Variants in TSGA10 observed in about 807,000 individuals in gnomAD.
TSGA10 encodes testis-specific gene 10 protein.
A neutral mutation model predicts 96.6 loss-of-function variants in TSGA10; 43 were observed. The observed-to-expected ratio is 0.44, with a 90% CI of 0.35 to 0.57. The LOEUF (loss-of-function observed/expected upper bound fraction) is 0.57, where lower values mean the gene tolerates loss of function less well. Among genes scored for constraint, TSGA10 ranks in the 20% least tolerant of loss-of-function variants. The pLI is 0.01. For synonymous variants in TSGA10, 229 were observed against 269.9 expected (o/e 0.85, Z 1.48); for missense variants, 703 against 834.4 (o/e 0.84, Z 1.94).
chr2:99,137,555 A>AT (rs1157019770), intron 1 of TSGA10, among the ~76,000 whole-genome samples: 1 of 135,256 alleles, frequency 7.4e-6, no homozygotes, highest in Non-Finnish European at 1.7e-5. Flanking sequence ...TCTTATTATA[A>AT]TTTTCTTTTT....
At chr2:99,032,761 G>A (rs1220982261) in intron 17 of TSGA10, among the ~76,000 whole-genome samples, 1 of 152,146 alleles carries the variant, frequency 6.6e-6, no homozygotes, top group Non-Finnish European at 1.5e-5. Context: ...TTCAAAAGGT[G>A]GCACATGTTC....
At chr2:99,073,863 A>G (rs1454797589) in intron 12 of TSGA10, among the ~76,000 whole-genome samples, 1 of 152,128 alleles carries the variant, frequency 6.6e-6, no homozygotes, top group Non-Finnish European at 1.5e-5. Context: ...GCCCTAAAAA[A>G]GTAAGAAAGT....
At chr2:99,135,946 T>C (rs1029564690) in intron 1 of TSGA10, among the ~76,000 whole-genome samples, 1 of 145,380 alleles carries the variant, frequency 6.9e-6, no homozygotes, top group African/African-American at 2.5e-5. Flanking sequence ...GAGGTGGAGG[T>C]TGCAGTGAGC....
At chr2:99,001,139 G>A (rs2104780020) in intron 20 of TSGA10, among the ~76,000 whole-genome samples, 1 of 152,298 alleles carries the variant, frequency 6.6e-6, no homozygotes, top group Non-Finnish European at 1.5e-5. Context: ...CCAGCATGGA[G>A]TTTGAGATCT....
chr2:99,118,735 G>C lies in TSGA10; in HGVS notation c.-491-49C>G, dbSNP rs1383815096. 5.4e-6 allele frequency: 5 copies of C among 931,120 alleles called. No homozygotes were observed. The East Asian group carries it at 4.7e-4, about 87-fold the overall frequency. 57.7% of individuals were successfully genotyped at this position (931,120 alleles called of 1,614,324 possible). A position where few individuals can be genotyped will look rare whatever the true frequency, so the allele number is the denominator to read the frequency against. On this transcript the variant is annotated intron_variant, in intron 2 of 20. Transcript: ENST00000393483. ...ACCCATTGAACAATGATTATGTCAG[G>C]AACTATATTAAATTCCAAAAATACA...
chr2:99,143,552 C>T (rs2093600594), intron 1 of TSGA10, among the ~76,000 whole-genome samples: 1 of 151,546 alleles, frequency 6.6e-6, no homozygotes, highest in Admixed American at 6.6e-5. Flanking sequence ...CTCACTGCAC[C>T]CTCCACCTTT....
At chr2:99,095,164 T>C (rs1459072954) in intron 10 of TSGA10, among the ~76,000 whole-genome samples, 1 of 152,124 alleles carries the variant, frequency 6.6e-6, no homozygotes, top group African/African-American at 2.4e-5. Context: ...ACCAAACATC[T>C]TATGTTCTCA....
chr2:99,046,423 C>G (rs1473020906), intron 16 of TSGA10, among the ~76,000 whole-genome samples: 1 of 152,156 alleles, frequency 6.6e-6, no homozygotes, highest in Non-Finnish European at 1.5e-5. Flanking sequence ...GAAGCTCACT[C>G]AAAACCACTC....
chr2:99,030,624 G>A (rs1317954740), intron 17 of TSGA10, among the ~76,000 whole-genome samples: 2 of 152,120 alleles, frequency 1.3e-5, no homozygotes, highest in African/African-American at 4.8e-5. Flanking sequence ...TCCAGCCTGG[G>A]TGACAGAGTG....
chr2:99,057,660 A>G (rs1007176900), intron 16 of TSGA10, among the ~76,000 whole-genome samples: 1 of 152,212 alleles, frequency 6.6e-6, no homozygotes, highest in African/African-American at 2.4e-5. Flanking sequence ...TTGTTAAGAC[A>G]GCCATATTCC....
chr2:99,014,968 T>C (rs1046159514), intron 20 of TSGA10, among the ~76,000 whole-genome samples: 2 of 151,930 alleles, frequency 1.3e-5, no homozygotes, highest in African/African-American at 4.8e-5. Context: ...AACAGACCAG[T>C]AAGAAGTAGA....
chr2:99,017,173 A>G (rs1381315489), intron 20 of TSGA10, among the ~76,000 whole-genome samples: 2 of 152,220 alleles, frequency 1.3e-5, no homozygotes, highest in African/African-American at 4.8e-5. Flanking sequence ...CAGAGGAAAA[A>G]AAGTCATTAT....
intron 7 of TSGA10, among the ~76,000 whole-genome samples, chr2:99,106,076 A>G (rs984036509): frequency 2.6e-5 from 4 of 152,166 alleles, no homozygotes; most frequent in African/African-American, 9.7e-5. Flanking sequence ...AGTCTTCCTA[A>G]ATATAAATGC....
intron 1 of TSGA10, chr2:99,150,558 A>G: frequency 3.1e-6 from 5 of 1,613,196 alleles, no homozygotes; most frequent in Non-Finnish European, 4.2e-6. Context: ...CAGCTATCCT[A>G]ATGGGATTTT....
intron 15 of TSGA10, 85 bp downstream of exon 15, chr2:99,068,803 A>G: frequency 3.6e-6 from 2 of 561,526 alleles, no homozygotes; most frequent in Non-Finnish European, 5.9e-6. Flanking sequence ...GCTTTGATTC[A>G]CCTGTCGTTC....
At chr2:99,116,424 C>T (rs956555400) in intron 4 of TSGA10, among the ~76,000 whole-genome samples, 2 of 151,942 alleles carry the variant, frequency 1.3e-5, no homozygotes, top group African/African-American at 4.8e-5. Context: ...GATGGTGGCA[C>T]AGAAAAAGGC....
At chr2:99,140,900 C>T (rs1429948253) in intron 1 of TSGA10, among the ~76,000 whole-genome samples, 1 of 152,110 alleles carries the variant, frequency 6.6e-6, no homozygotes, top group Non-Finnish European at 1.5e-5. Context: ...ACTCGTGCTG[C>T]CGAGCTTCCG....
intron 1 of TSGA10, chr2:99,141,169 G>C (rs774174753): frequency 5.6e-6 from 7 of 1,257,054 alleles, no homozygotes; most frequent in Non-Finnish European, 6.2e-6. Context: ...CGGCCTCAGC[G>C]GGGGATACAA....
Position 99,105,341 on chromosome 2 carries a change from C to CCT in TSGA10, c.459+17_459+18insAG. ...GTGTTTATAGCCAAAAGAGACTTTTCTTTTTTTTTTTTTTTACATTATGAA... is the reference window on the plus strand; with the variant it reads ...GTGTTTATAGCCAAAAGAGACTTTTCCTTTTTTTTTTTTTTTTACATTATGAA... On this transcript the variant is annotated intron_variant, in intron 9 of 20. Transcript: ENST00000393483. 2 of 1,460,354 alleles carry CCT rather than the reference C, an allele frequency of 1.4e-6. No homozygotes were observed. Among genetic ancestry groups the CCT allele is most frequent in the Non-Finnish European group, 1.8e-6 (2 of 1,082,638 alleles). The allele number at this position is 1,460,354 out of a possible 1,614,324, so 90.5% of individuals were successfully genotyped here.
Sources: allele counts gnomAD v4.1 joint callset (sites outside exome capture counted in the v4.1 genomes callset), GRCh38; gene constraint gnomAD v4.1.1; transcripts MANE v1.5; gene names NCBI Gene and HGNC (gene_info 2026-07-23, HGNC 2026-07-21).